Variants in GRM7 observed in about 807,000 individuals in gnomAD.
GRM7 encodes the protein glutamate metabotropic receptor 7, also known as metabotropic glutamate receptor 7.
In GRM7, 35 loss-of-function variants were observed where a neutral mutation model predicts 84.5. That is an observed-to-expected ratio of 0.41 (90% CI 0.32 to 0.55). GRM7 has a LOEUF of 0.55. GRM7 is among the 20% of genes least tolerant of loss of function. The pLI is 0.19. For synonymous variants in GRM7, 487 were observed against 455.1 expected, an observed-to-expected ratio of 1.07 and a Z score of -0.89; for missense variants, 1,003 against 1,194.6, an observed-to-expected ratio of 0.84 and a Z score of 2.36.
chr3:7,193,242 C>G (rs1298126643), intron 2 of GRM7, among the ~76,000 whole-genome samples: 1 of 152,044 alleles, frequency 6.6e-6, no homozygotes, highest in African/African-American at 2.4e-5. Context: ...TGGCAGTGAA[C>G]TAGAAAAACA....
chr3:7,639,181 T>C (rs1330225442), intron 8 of GRM7, among the ~76,000 whole-genome samples: 1 of 152,200 alleles, frequency 6.6e-6, no homozygotes, highest in African/African-American at 2.4e-5. Context: ...TCATTCAATA[T>C]GTCCAGCACC....
intron 1 of GRM7, among the ~76,000 whole-genome samples, chr3:6,915,080 C>T (rs951470462): frequency 2.6e-5 from 4 of 152,142 alleles, no homozygotes; most frequent in African/African-American, 7.2e-5. Flanking sequence ...ACTTACTGCT[C>T]CAGGTCCTTA....
At chr3:7,368,117 C>A (rs1187461548) in intron 4 of GRM7, among the ~76,000 whole-genome samples, 1 of 151,918 alleles carries the variant, frequency 6.6e-6, no homozygotes, top group Non-Finnish European at 1.5e-5. Context: ...ATAAGACCAT[C>A]ACACCTTAGG....
chr3:7,604,135 TAAA>T (rs34089815), intron 8 of GRM7, among the ~76,000 whole-genome samples: 84 of 146,466 alleles, frequency 5.7e-4, no homozygotes, highest in African/African-American at 2.1e-3. Context: ...GGTTTGTTCT[TAAA>T]AAAAAAAAAA....
At chr3:7,707,955 A>G (rs1027915875) in intron 9 of GRM7, among the ~76,000 whole-genome samples, 1 of 72,626 alleles carries the variant, frequency 1.4e-5, no homozygotes, top group Non-Finnish European at 2.8e-5. Flanking sequence ...TTTTTTTTTT[A>G]CTTCCCATGC....
At chr3:7,439,613 G>A (rs1194446666) in intron 5 of GRM7, among the ~76,000 whole-genome samples, 4 of 152,116 alleles carry the variant, frequency 2.6e-5, no homozygotes, top group South Asian at 2.1e-4. Flanking sequence ...ACAGGGGTTA[G>A]GAATAACCCC....
rs551412249 is a variant in GRM7 at position 7,442,777 on chromosome 3, G to C, written c.1175-9830G>C. 5.5e-4 allele frequency among the ~76,000 whole-genome samples: 84 copies of C among 152,242 alleles called. 1 individual carries two copies. The highest frequency in any genetic ancestry group is 4.1e-3 in the Admixed American group (63 of 15,280). On this transcript the variant is annotated intron_variant, in intron 5 of 9. Coordinates refer to ENST00000357716, the MANE Select transcript of GRM7 (RefSeq NM_000844.4). Reference sequence around the variant, plus strand: ...GAAGCACATTAATCCAAGAGCATCTGTAAGACTTGACATGAGAGTGGAAAC... The same window carrying C: ...GAAGCACATTAATCCAAGAGCATCTCTAAGACTTGACATGAGAGTGGAAAC...
At chr3:7,559,485 C>T (rs193143964) in intron 7 of GRM7, 4 of 152,178 alleles carry the variant, frequency 2.6e-5, no homozygotes, top group African/African-American at 4.8e-5. Context: ...AGGTTGGAAA[C>T]ATACCAATGC....
chr3:7,133,462 C>T (rs1693669767), intron 1 of GRM7, among the ~76,000 whole-genome samples: 1 of 152,198 alleles, frequency 6.6e-6, no homozygotes, highest in South Asian at 2.1e-4. Context: ...GCCACAGAGC[C>T]TACATTGCCC....
chr3:7,529,159 G>A (rs1337861249), intron 7 of GRM7, among the ~76,000 whole-genome samples: 1 of 152,056 alleles, frequency 6.6e-6, no homozygotes, highest in Non-Finnish European at 1.5e-5. Context: ...ATATTTTGTG[G>A]TAAAGTTCGA....
At chr3:7,157,183 G>C (rs1325979947) in intron 2 of GRM7, among the ~76,000 whole-genome samples, 2 of 152,062 alleles carry the variant, frequency 1.3e-5, no homozygotes, top group African/African-American at 2.4e-5. Flanking sequence ...CATCAAGTAA[G>C]AAAGCACCCC....
chr3:7,240,992 T>C (rs1697538705), intron 2 of GRM7, among the ~76,000 whole-genome samples: 1 of 152,180 alleles, frequency 6.6e-6, no homozygotes, highest in African/African-American at 2.4e-5. Flanking sequence ...ATGTATGTAA[T>C]AGACGATGCC....
intron 1 of GRM7, among the ~76,000 whole-genome samples, chr3:6,864,529 G>T (rs1328629079): frequency 6.6e-6 from 1 of 152,068 alleles, no homozygotes; most frequent in East Asian, 1.9e-4. Context: ...ATCTTGTCGG[G>T]GATTTCTAGG....
chr3:7,319,537 C>T (rs1858060), intron 4 of GRM7, among the ~76,000 whole-genome samples: 51,681 of 151,702 alleles, frequency 0.34, 9,467 homozygotes, highest in East Asian at 0.45. Context: ...GTGCTGAAAC[C>T]GGTCTTTCTG....
chr3:7,327,868 C>T (rs983096885), intron 4 of GRM7, among the ~76,000 whole-genome samples: 3 of 152,140 alleles, frequency 2.0e-5, no homozygotes, highest in African/African-American at 4.8e-5. Flanking sequence ...TGAACATCTG[C>T]GTTGAGCAGG....
intron 2 of GRM7, among the ~76,000 whole-genome samples, chr3:7,210,840 G>A (rs910943320): frequency 3.5e-5 from 5 of 144,434 alleles, no homozygotes; most frequent in Admixed American, 7.0e-5. Context: ...GTTCTGTTTT[G>A]TGCCTTGTAA....
At chr3:7,487,942 C>A (rs1452395714) in intron 7 of GRM7, among the ~76,000 whole-genome samples, 1 of 152,148 alleles carries the variant, frequency 6.6e-6, no homozygotes, top group Non-Finnish European at 1.5e-5. Flanking sequence ...ATGGGCTGTA[C>A]CCAGCAAAGC....
chr3:7,145,899 G>C (rs1167744809), intron 1 of GRM7, among the ~76,000 whole-genome samples: 1 of 152,084 alleles, frequency 6.6e-6, no homozygotes, highest in East Asian at 1.9e-4. Flanking sequence ...CTCTTCCCTG[G>C]GGCAAAGGGT....
At position 7,085,806 on chromosome 3, in the gene GRM7, T is replaced by A. The variant is rs138111562; in HGVS notation, c.520-60646T>A. On this transcript the variant is annotated intron_variant, in intron 1 of 9. Transcript: ENST00000357716. ...CAGCTGGATGTGGAACCTACCCCCATCCTCTTGGAATATTGATCTTATTCA... is the reference window on the plus strand; with the variant it reads ...CAGCTGGATGTGGAACCTACCCCCAACCTCTTGGAATATTGATCTTATTCA... 1.8e-4 allele frequency among the ~76,000 whole-genome samples: 28 copies of A among 152,198 alleles called. No homozygotes were observed. In the East Asian group the frequency reaches 5.0e-3, roughly 27 times the overall value.
Sources: gnomAD v4.1 joint callset for allele counts (sites outside exome capture counted in the v4.1 genomes callset) on GRCh38, gnomAD v4.1.1 for gene constraint, MANE v1.5 for transcripts, NCBI Gene and HGNC (gene_info 2026-07-23, HGNC 2026-07-21) for gene names.